EXOC6: variants seen among roughly 807,000 people sequenced by gnomAD.
EXOC6 encodes exocyst complex component 6, also known as SEC15-like 1.
In EXOC6, 60 loss-of-function variants were observed where a neutral mutation model predicts 112.5. The observed-to-expected ratio is 0.53, with a 90% CI of 0.43 to 0.66. The LOEUF is 0.66. Ranked by LOEUF, EXOC6 falls within the 30% of genes least tolerant of loss-of-function variation. The probability of loss-of-function intolerance (pLI) is 0.00; values close to 1 mark genes in which losing one functional copy is unlikely to be tolerated. For synonymous variants in EXOC6, 295 were observed against 308.0 expected (o/e 0.96, Z 0.44); for missense variants, 855 against 957.1 (o/e 0.89, Z 1.41).
chr10:93,003,573 C>G (rs1320608978), intron 19 of EXOC6, among the ~76,000 whole-genome samples: 2 of 152,054 alleles, frequency 1.3e-5, no homozygotes, highest in Non-Finnish European at 2.9e-5. Context: ...AAGTCAACTT[C>G]TTTATAGGAA....
chr10:92,889,465 C>T (rs1357781172), intron 1 of EXOC6, among the ~76,000 whole-genome samples: 1 of 152,180 alleles, frequency 6.6e-6, no homozygotes, highest in Non-Finnish European at 1.5e-5. Flanking sequence ...GATGAACCTA[C>T]ATTGACACAT....
In EXOC6 at chr10:92,971,504, A is replaced by G. The variant is rs1027407734; in HGVS notation, c.1774-2549A>G. Among the ~76,000 whole-genome samples the G allele has an allele frequency of 2.6e-5, 4 of 152,038 alleles. No individual in the cohort carries two copies. In the South Asian group the frequency reaches 8.3e-4, roughly 32 times the overall value. ...ATTCTCCTGCCTCAGCCTCCCAAGT[A>G]GCTGGGATTACAGGCACACACCACC... is the stretch of plus-strand genomic sequence containing the variant. On this transcript the variant is annotated intron_variant, in intron 17 of 21. Transcript: ENST00000260762.
At chr10:92,888,471 TG>T (rs1288223690) in intron 1 of EXOC6, among the ~76,000 whole-genome samples, 2 of 152,234 alleles carry the variant, frequency 1.3e-5, no homozygotes, top group African/African-American at 2.4e-5. Context: ...TGTTTATTTA[TG>T]TTATTACTCT....
Position 92,896,095 on chromosome 10 carries a change from G to A in EXOC6, c.412+1075G>A, listed in dbSNP as rs866660963. Among the ~76,000 whole-genome samples, 65 of 38,906 alleles carry A rather than the reference G, an allele frequency of 1.7e-3. 1 individual carries two copies. Among genetic ancestry groups the A allele is most frequent in the South Asian group, 8.8e-3 (7 of 796 alleles). The allele number at this position is 38,906 out of a possible 152,430, so 25.5% of individuals were successfully genotyped here. A position where few individuals can be genotyped will look rare whatever the true frequency, so the allele number is the denominator to read the frequency against. ...TGTATATATATGTGTATATATATAT[G>A]TGTGTATATATATGTGTATATATAT... On this transcript the variant is annotated intron_variant, in intron 4 of 21. Transcript: ENST00000260762.
At chr10:92,938,915 G>C (rs1852504167) in intron 12 of EXOC6, among the ~76,000 whole-genome samples, 1 of 152,094 alleles carries the variant, frequency 6.6e-6, no homozygotes, top group Non-Finnish European at 1.5e-5. Flanking sequence ...ATTTGAGCTG[G>C]GTTTTGAAGG....
intron 7 of EXOC6, among the ~76,000 whole-genome samples, chr10:92,917,884 G>C (rs1013876724): frequency 2.0e-5 from 3 of 152,178 alleles, no homozygotes; most frequent in African/African-American, 7.2e-5. Flanking sequence ...TGATGCCGTG[G>C]CTCATGCCTG....
intron 9 of EXOC6, among the ~76,000 whole-genome samples, chr10:92,930,504 AAATAAT>A (rs10638557): frequency 6.7e-6 from 1 of 149,180 alleles, no homozygotes; most frequent in Admixed American, 6.7e-5. Flanking sequence ...ACTCTGTCTC[AAATAAT>A]AATAATAATA....
chr10:92,929,517 A>C (rs774908651), intron 9 of EXOC6, among the ~76,000 whole-genome samples: 2 of 152,238 alleles, frequency 1.3e-5, no homozygotes, highest in Non-Finnish European at 2.9e-5. Flanking sequence ...AATATTAACA[A>C]CAAAAATAGA....
rs1852229225 is a variant in EXOC6 at position 92,934,306 on chromosome 10, T to C, written c.1020-4T>C. 6.3e-7 allele frequency: 1 copy of C among 1,577,628 alleles called. No individual in the cohort carries two copies. Among genetic ancestry groups the C allele is most frequent in the Non-Finnish European group, 8.6e-7 (1 of 1,168,556 alleles). On this transcript the variant is annotated splice_region_variant and splice_polypyrimidine_tract_variant and intron_variant, in intron 10 of 21. Coordinates refer to ENST00000260762, the MANE Select transcript of EXOC6 (RefSeq NM_019053.6). Reference sequence around the variant, plus strand: ...ACACATGCTTTGGTAATTACTGTTTTTAGGTTCTTTGTGGTAGAAGATCAC... The same window carrying C: ...ACACATGCTTTGGTAATTACTGTTTCTAGGTTCTTTGTGGTAGAAGATCAC...
At chr10:92,934,617 G>A (rs1852247759) in intron 11 of EXOC6, among the ~76,000 whole-genome samples, 187 bp downstream of exon 11, 1 of 151,878 alleles carries the variant, frequency 6.6e-6, no homozygotes, top group Admixed American at 6.6e-5. Flanking sequence ...AACTGACTGG[G>A]GCTTCCCAAA....
chr10:92,948,554 T>C (rs894164779), intron 14 of EXOC6, among the ~76,000 whole-genome samples, 175 bp downstream of exon 14: 4 of 126,274 alleles, frequency 3.2e-5, no homozygotes, highest in East Asian at 2.3e-4. Flanking sequence ...GAGTATGTTA[T>C]TACTACTACT....
At chr10:92,897,240 T>C (rs997434077) in intron 4 of EXOC6, among the ~76,000 whole-genome samples, 1 of 152,206 alleles carries the variant, frequency 6.6e-6, no homozygotes, top group Non-Finnish European at 1.5e-5. Flanking sequence ...TGCTACTGTC[T>C]TCGTTTTTAA....
chr10:93,002,999 G>C (rs1843824419), intron 19 of EXOC6, among the ~76,000 whole-genome samples: 1 of 152,074 alleles, frequency 6.6e-6, no homozygotes, highest in Non-Finnish European at 1.5e-5. Context: ...CAAGGATCAG[G>C]AACTCAGATT....
chr10:92,864,768 G>C (rs369576132), intron 1 of EXOC6, among the ~76,000 whole-genome samples: 1 of 152,194 alleles, frequency 6.6e-6, no homozygotes, highest in Non-Finnish European at 1.5e-5. Flanking sequence ...TCTTCAGACT[G>C]TGGGGCTTAC....
Position 92,917,830 on chromosome 10 carries a change from A to G in EXOC6, c.819+1917A>G, listed in dbSNP as rs188892610. ...GCTGAGATTACAGGTGTGAGCCACCATGCCCGGCATCCTATTGCTTTCGAA... is the reference window on the plus strand; with the variant it reads ...GCTGAGATTACAGGTGTGAGCCACCGTGCCCGGCATCCTATTGCTTTCGAA... On this transcript the variant is annotated intron_variant, in intron 7 of 21. Coordinates refer to ENST00000260762, the MANE Select transcript of EXOC6 (RefSeq NM_019053.6). Among the ~76,000 whole-genome samples the G allele has an allele frequency of 2.9e-3, 445 of 152,320 alleles. 2 individuals carry two copies. Among genetic ancestry groups the G allele is most frequent in the African/African-American group, 0.01 (427 of 41,570 alleles).
intron 1 of EXOC6, among the ~76,000 whole-genome samples, chr10:92,849,033 C>T (rs1277769422): frequency 1.3e-5 from 2 of 152,216 alleles, no homozygotes; most frequent in African/African-American, 4.8e-5. Context: ...GCATGCCAGG[C>T]TAGGGTCGAC....
chr10:92,942,460 C>G (rs1852719576), intron 13 of EXOC6, among the ~76,000 whole-genome samples: 2 of 152,066 alleles, frequency 1.3e-5, no homozygotes, highest in African/African-American at 4.8e-5. Context: ...ATCAACTAAA[C>G]AAATCCTTAT....
intron 20 of EXOC6, among the ~76,000 whole-genome samples, chr10:93,049,646 C>G (rs578016459): frequency 3.3e-4 from 50 of 152,266 alleles, no homozygotes; most frequent in Admixed American, 9.8e-4. Context: ...GAGTACAGTT[C>G]ATTGCTCACT....
At chr10:92,926,802 G>T (rs1851751027) in intron 8 of EXOC6, among the ~76,000 whole-genome samples, 1 of 152,182 alleles carries the variant, frequency 6.6e-6, no homozygotes, top group Non-Finnish European at 1.5e-5. Flanking sequence ...CCAAGTTGCG[G>T]GGATTAAAGC....
Sources: allele counts gnomAD v4.1 joint callset (sites outside exome capture counted in the v4.1 genomes callset), GRCh38; gene constraint gnomAD v4.1.1; transcripts MANE v1.5; gene names NCBI Gene and HGNC (gene_info 2026-07-23, HGNC 2026-07-21).